RIMS2: variants seen among roughly 807,000 people sequenced by gnomAD.
RIMS2 encodes the protein regulating synaptic membrane exocytosis protein 2.
Under a neutral mutation model 174.4 loss-of-function variants are expected in RIMS2, and 59 were observed. The observed-to-expected ratio is 0.34, with a 90% CI of 0.27 to 0.42. The LOEUF is 0.42. Among genes scored for constraint, RIMS2 ranks in the 10% least tolerant of loss-of-function variants. The pLI is 1.00. For missense variants in RIMS2, 1,620 were observed against 1,666.3 expected (o/e 0.97, Z 0.48); for synonymous variants, 606 against 572.5 (o/e 1.06, Z -0.84).
chr8:103,863,157 G>A (rs1187395980), intron 3 of RIMS2, among the ~76,000 whole-genome samples: 2 of 152,102 alleles, frequency 1.3e-5, no homozygotes, highest in African/African-American at 4.8e-5. Context: ...CTAGTCTGTG[G>A]AGGATTTTTA....
intron 1 of RIMS2, among the ~76,000 whole-genome samples, chr8:103,630,625 CTTACAGTAGTAAG>C (rs1236550367): frequency 6.8e-6 from 1 of 147,460 alleles, no homozygotes; most frequent in Admixed American, 6.8e-5. Flanking sequence ...CTACATGCTA[CTTACAGTAGTAAG>C]ATGTTGAAAG....
Position 103,633,956 on chromosome 8 carries a change from T to A in RIMS2, c.177-63130T>A, listed in dbSNP as rs116795168. Among the ~76,000 whole-genome samples, 559 of 152,236 alleles carry A rather than the reference T, an allele frequency of 3.7e-3. 8 individuals are homozygous for A. Among genetic ancestry groups the A allele is most frequent in the African/African-American group, 0.013 (530 of 41,530 alleles). On this transcript the variant is annotated intron_variant, in intron 1 of 23. Coordinates refer to ENST00000504942, the Ensembl canonical transcript of RIMS2. The stretch of plus-strand genomic sequence containing the variant: ...GTCTAGTTAGTGGCCTATTAATTTT[T>A]TCAAAAAATCAACTGCTGGATTTGT...
At chr8:103,502,631 GCTTAA>G (rs1820862210) in intron 1 of RIMS2, among the ~76,000 whole-genome samples, 1 of 151,952 alleles carries the variant, frequency 6.6e-6, no homozygotes, top group Non-Finnish European at 1.5e-5. Context: ...TTCTTACTGT[GCTTAA>G]CTTTTTTTTT....
intron 19 of RIMS2, among the ~76,000 whole-genome samples, chr8:104,031,767 C>T (rs1441745941): frequency 6.6e-6 from 1 of 152,034 alleles, no homozygotes; most frequent in Non-Finnish European, 1.5e-5. Flanking sequence ...CAGTCTGAGA[C>T]AGGTTTGTCA....
chr8:103,572,290 G>A (rs557686718), intron 1 of RIMS2, among the ~76,000 whole-genome samples: 3 of 152,326 alleles, frequency 2.0e-5, no homozygotes, highest in South Asian at 2.1e-4. Flanking sequence ...GGACCTGAGC[G>A]GGTTGCTGCT....
chr8:103,936,857 A>T (rs1391875612), intron 13 of RIMS2, 135 bp downstream of exon 15: 4 of 584,560 alleles, frequency 6.8e-6, no homozygotes, highest in Non-Finnish European at 1.1e-5. Flanking sequence ...GCACTTTGGG[A>T]GGCCGAGGGG....
At chr8:103,883,541 T>C (rs975728151) in intron 3 of RIMS2, among the ~76,000 whole-genome samples, 1 of 151,862 alleles carries the variant, frequency 6.6e-6, no homozygotes, top group Non-Finnish European at 1.5e-5. Context: ...ACAATTGTAA[T>C]ATAAAAGATT....
At chr8:103,865,542 C>A (rs2099080959) in intron 3 of RIMS2, among the ~76,000 whole-genome samples, 1 of 152,034 alleles carries the variant, frequency 6.6e-6, no homozygotes, top group Non-Finnish European at 1.5e-5. Flanking sequence ...ACCTCGGCCT[C>A]CCAAAGTGCT....
chr8:103,608,853 C>T (rs113199313), intron 1 of RIMS2, among the ~76,000 whole-genome samples: 11 of 152,284 alleles, frequency 7.2e-5, no homozygotes, highest in East Asian at 5.8e-4. Flanking sequence ...CTTTGGCTCG[C>T]GCACGGTGCA....
At chr8:103,834,744 C>CTCTCTCTTTCTTTT (rs2098857326) in intron 3 of RIMS2, among the ~76,000 whole-genome samples, 5 of 105,170 alleles carry the variant, frequency 4.8e-5, no homozygotes, top group Non-Finnish European at 1.0e-4. Flanking sequence ...TTCTTTCTTT[C>CTCTCTCTTTCTTTT]TCTCTCTTTC....
intron 19 of RIMS2, among the ~76,000 whole-genome samples, chr8:104,143,335 T>C (rs138115689): frequency 2.6e-5 from 4 of 152,336 alleles, no homozygotes; most frequent in African/African-American, 7.2e-5. Flanking sequence ...TGGTATTTAA[T>C]GTAGAGAAGT....
At chr8:103,935,011 C>T (rs905581487) in intron 12 of RIMS2, among the ~76,000 whole-genome samples, 16 of 152,002 alleles carry the variant, frequency 1.1e-4, no homozygotes, top group Non-Finnish European at 1.5e-4. Context: ...AAACCATTCT[C>T]GAATTAAATA....
chr8:103,739,487 C>T (rs573313272), intron 2 of RIMS2, among the ~76,000 whole-genome samples: 1 of 152,112 alleles, frequency 6.6e-6, no homozygotes, highest in African/African-American at 2.4e-5. Flanking sequence ...ATGTAACAAA[C>T]CTGCACGTTG....
intron 3 of RIMS2, among the ~76,000 whole-genome samples, chr8:103,841,749 T>G (rs1284515765): frequency 6.6e-6 from 1 of 152,016 alleles, no homozygotes; most frequent in Non-Finnish European, 1.5e-5. Context: ...GAAATAGCTT[T>G]ACATCGACCA....
At chr8:103,907,248 A>C (rs7840870) in intron 4 of RIMS2, among the ~76,000 whole-genome samples, 66,997 of 151,970 alleles carry the variant, frequency 0.44, 15,653 homozygotes, top group African/African-American at 0.53. Flanking sequence ...ATTTTGAGGA[A>C]TGCAATTTGA....
chr8:103,569,735 G>C (rs1587966564), intron 1 of RIMS2, among the ~76,000 whole-genome samples: 1 of 151,252 alleles, frequency 6.6e-6, no homozygotes, highest in African/African-American at 2.4e-5. Context: ...TCCTACATCT[G>C]CCTCCTGAGT....
chr8:103,899,419 C>T (rs1176907055), intron 4 of RIMS2, among the ~76,000 whole-genome samples: 1 of 151,774 alleles, frequency 6.6e-6, no homozygotes, highest in Non-Finnish European at 1.5e-5. Context: ...GCCATTCTAA[C>T]TGGCATGAGA....
At chr8:103,691,900 C>G (rs984382993) in intron 1 of RIMS2, among the ~76,000 whole-genome samples, 12 of 152,152 alleles carry the variant, frequency 7.9e-5, no homozygotes, top group Admixed American at 3.3e-4. Flanking sequence ...GTAGCTGTAT[C>G]TTCACAAGGG....
intron 3 of RIMS2, among the ~76,000 whole-genome samples, chr8:103,866,943 G>T (rs564977571): frequency 6.6e-6 from 1 of 151,942 alleles, no homozygotes; most frequent in South Asian, 2.1e-4. Context: ...TGAATATCTT[G>T]TCATGAGGTT....
Sources: allele counts gnomAD v4.1 joint callset (sites outside exome capture counted in the v4.1 genomes callset), GRCh38; gene constraint gnomAD v4.1.1; transcripts MANE v1.5; gene names NCBI Gene and HGNC (gene_info 2026-07-23, HGNC 2026-07-21).